DECR1: variants seen among roughly 807,000 people sequenced by gnomAD.
The protein encoded by DECR1 is 2,4-dienoyl-CoA reductase [(3E)-enoyl-CoA-producing], mitochondrial.
In DECR1, 44 loss-of-function variants were observed where a neutral mutation model predicts 38.8. The observed-to-expected ratio is 1.13, with a 90% CI of 0.89 to 1.46. DECR1 has a LOEUF of 1.46. Among genes scored for constraint, DECR1 ranks in the 40% most tolerant of loss-of-function variants. The pLI, the probability that DECR1 is intolerant of heterozygous loss-of-function variation, is 0.00. For missense variants in DECR1, 428 were observed against 405.5 expected (o/e 1.06, Z -0.48); for synonymous variants, 148 against 135.2 (o/e 1.09, Z -0.66).
chr8:90,001,951 G>A (rs1812625060), intron 1 of DECR1, among the ~76,000 whole-genome samples: 1 of 152,066 alleles, frequency 6.6e-6, no homozygotes, highest in Non-Finnish European at 1.5e-5. Flanking sequence ...AGGGAGCTAG[G>A]ACAGGGCGTT....
intron 5 of DECR1, among the ~76,000 whole-genome samples, chr8:90,032,859 C>G (rs1813532371): frequency 6.6e-6 from 1 of 152,018 alleles, no homozygotes; most frequent in African/African-American, 2.4e-5. Flanking sequence ...CGCAACTTGC[C>G]AAATTATTAA....
chr8:90,040,635 C>A (rs1047432657), intron 6 of DECR1, among the ~76,000 whole-genome samples: 4 of 152,132 alleles, frequency 2.6e-5, no homozygotes, highest in African/African-American at 9.7e-5. Flanking sequence ...GCTCTCCACC[C>A]CTTGACAGAC....
chr8:90,001,941 A>G (rs1281961728), intron 1 of DECR1, among the ~76,000 whole-genome samples: 4 of 148,020 alleles, frequency 2.7e-5, no homozygotes, highest in African/African-American at 5.0e-5. Flanking sequence ...CCTGGGGCTC[A>G]GGGAGCTAGG....
chr8:90,042,033 C>T (rs1813776709), intron 6 of DECR1, among the ~76,000 whole-genome samples: 1 of 151,996 alleles, frequency 6.6e-6, no homozygotes, highest in South Asian at 2.1e-4. Context: ...GTAAAGTAAG[C>T]TTTTAAAACA....
At chr8:90,019,306 G>A (rs1027377865) in intron 4 of DECR1, 134 bp downstream of exon 4, 1 of 694,506 alleles carries the variant, frequency 1.4e-6, no homozygotes, top group Non-Finnish European at 2.4e-6. Flanking sequence ...AGCCTGGGAA[G>A]GTTCTTGGCT....
chr8:90,047,414 A>G lies in DECR1; in HGVS notation c.885+2419A>G, dbSNP rs540289373. On this transcript the variant is annotated intron_variant, in intron 8 of 9. Coordinates refer to ENST00000220764, the MANE Select transcript of DECR1 (RefSeq NM_001359.2). The stretch of plus-strand genomic sequence containing the variant: ...CTCTGATAAAACAGACTTTAAACCA[A>G]CAAAGATCAGAAGAGAGAAAGAAGG... Among the ~76,000 whole-genome samples the G allele has an allele frequency of 9.6e-4, 146 of 152,318 alleles. 1 individual carries two copies. Among genetic ancestry groups the G allele is most frequent in the African/African-American group, 3.4e-3 (140 of 41,564 alleles).
chr8:90,044,707 T>C lies in DECR1; in HGVS notation c.739-142T>C, dbSNP rs779005869. 28 of 733,244 alleles carry C rather than the reference T, an allele frequency of 3.8e-5. No homozygotes were observed. The Admixed American group carries it at 8.8e-4, about 23-fold the overall frequency. The allele number at this position is 733,244 out of a possible 1,614,324, so 45.4% of individuals were successfully genotyped here. A position where few individuals can be genotyped will look rare whatever the true frequency, so the allele number is the denominator to read the frequency against. ...TGATCTATTTTTTTTTTAAGAATAA[T>C]TTGGTGAAATTCTTTTTTACTTACA... On this transcript the variant is annotated intron_variant, in intron 7 of 9. Transcript: ENST00000220764.
intron 1 of DECR1, chr8:90,006,133 C>T: frequency 1.4e-6 from 1 of 691,114 alleles, no homozygotes; most frequent in Non-Finnish European, 2.6e-6. Context: ...CACATTTCAA[C>T]ATGAGTTTTC....
chr8:90,024,129 T>C (rs958823608), intron 5 of DECR1, among the ~76,000 whole-genome samples: 14 of 152,242 alleles, frequency 9.2e-5, no homozygotes, highest in African/African-American at 3.4e-4. Flanking sequence ...GATGGACATT[T>C]GGGTTGGTTC....
chr8:90,014,871 G>T (rs769864570), intron 1 of DECR1, among the ~76,000 whole-genome samples: 8 of 152,050 alleles, frequency 5.3e-5, no homozygotes, highest in Non-Finnish European at 1.0e-4. Flanking sequence ...AGTTCTGAAG[G>T]CAGGTGGCAG....
intron 8 of DECR1, among the ~76,000 whole-genome samples, chr8:90,050,190 A>T (rs1418862018): frequency 6.6e-6 from 1 of 152,258 alleles, no homozygotes; most frequent in Admixed American, 6.5e-5. Context: ...ATCTAATTAA[A>T]CTAAAGAGCC....
chr8:90,051,578 A>T, intron 8 of DECR1, 99 bp from the exon 9 acceptor site: 1 of 888,658 alleles, frequency 1.1e-6, no homozygotes, highest in Non-Finnish European at 1.8e-6. Flanking sequence ...TTAAAGTGCC[A>T]AAGAGATATT....
At chr8:90,026,581 A>G (rs1374449662) in intron 5 of DECR1, among the ~76,000 whole-genome samples, 2 of 151,992 alleles carry the variant, frequency 1.3e-5, no homozygotes, top group Non-Finnish European at 2.9e-5. Flanking sequence ...CCCCTTTATC[A>G]TTTTTTATTG....
At chr8:90,034,093 C>G (rs571806955) in intron 5 of DECR1, among the ~76,000 whole-genome samples, 1 of 152,006 alleles carries the variant, frequency 6.6e-6, no homozygotes, top group Non-Finnish European at 1.5e-5. Flanking sequence ...TTATTTTTTC[C>G]TATCCTCAAA....
intron 6 of DECR1, among the ~76,000 whole-genome samples, chr8:90,040,441 T>C (rs1003727059): frequency 1.3e-5 from 2 of 152,198 alleles, no homozygotes; most frequent in African/African-American, 4.8e-5. Flanking sequence ...GCTATAAGAC[T>C]ATTAACGGAT....
intron 5 of DECR1, among the ~76,000 whole-genome samples, chr8:90,029,669 C>T (rs967112412): frequency 6.6e-6 from 1 of 152,162 alleles, no homozygotes; most frequent in Non-Finnish European, 1.5e-5. Flanking sequence ...GATTTTTTAA[C>T]CATCTTGCTG....
chr8:90,027,912 C>G (rs1813394160), intron 5 of DECR1, among the ~76,000 whole-genome samples: 1 of 152,116 alleles, frequency 6.6e-6, no homozygotes, highest in East Asian at 1.9e-4. Flanking sequence ...CCATTGCATT[C>G]CTAGGCTGAA....
At position 90,051,953 on chromosome 8, in the gene DECR1, A is replaced by C; in HGVS notation, c.*56A>C. ...AAAGGGAATAGAAATGAAACAAATT[A>C]TCTCTCATCTTTTGACTATTTCAAG... is the stretch of plus-strand genomic sequence containing the variant. On this transcript the variant is annotated 3_prime_UTR_variant, in exon 10 of 10. Transcript: ENST00000220764. The C allele has an allele frequency of 2.1e-6, 3 of 1,430,878 alleles. No homozygotes were observed. The highest frequency in any genetic ancestry group is 2.3e-5 in the East Asian group (1 of 43,868). The allele number at this position is 1,430,878 out of a possible 1,614,324, so 88.6% of individuals were successfully genotyped here.
chr8:90,015,461 T>C, intron 1 of DECR1: 1 of 312,222 alleles, frequency 3.2e-6, no homozygotes, highest in South Asian at 2.8e-5. Flanking sequence ...TTTTTATTTG[T>C]AGTTAAAAAC....
Sources: gnomAD v4.1 joint callset for allele counts (sites outside exome capture counted in the v4.1 genomes callset) on GRCh38, gnomAD v4.1.1 for gene constraint, MANE v1.5 for transcripts, NCBI Gene and HGNC (gene_info 2026-07-23, HGNC 2026-07-21) for gene names.